The following ERCC6L variants were observed in gnomAD, a reference collection of about 807,000 sequenced individuals.
ERCC6L encodes the protein DNA excision repair protein ERCC-6-like.
Under a neutral mutation model 20.1 loss-of-function variants are expected in ERCC6L, and 7 were observed. The observed-to-expected ratio is 0.35, with a 90% CI of 0.20 to 0.65. The LOEUF is 0.65. Ranked by LOEUF, ERCC6L falls within the 30% of genes least tolerant of loss-of-function variation. ERCC6L has a pLI of 0.69. For missense variants in ERCC6L, 592 were observed against 892.4 expected, an observed-to-expected ratio of 0.66 and a Z score of 4.29; for synonymous variants, 278 against 331.3, an observed-to-expected ratio of 0.84 and a Z score of 1.75.
chrX:72,229,620 T>C (rs1356461614), intron 1 of ERCC6L, among the ~76,000 whole-genome samples: 3 of 111,418 alleles, frequency 2.7e-5, no homozygotes, highest in African/African-American at 6.5e-5. Context: ...CACCAACACA[T>C]ACCTTTGTCT....
At chrX:72,225,162 G>C (rs897320550) in intron 1 of ERCC6L, among the ~76,000 whole-genome samples, 1 of 111,560 alleles carries the variant, frequency 9.0e-6, no homozygotes, top group Non-Finnish European at 1.9e-5. Flanking sequence ...CCTCAAAGAT[G>C]CTTTTTTTAC....
chrX:72,232,273 T>TAAAAAA (rs56070381), intron 1 of ERCC6L, among the ~76,000 whole-genome samples: 1 of 61,432 alleles, frequency 1.6e-5, no homozygotes, highest in African/African-American at 7.3e-5. Flanking sequence ...GAAGGAGTAT[T>TAAAAAA]AAAAAAAAAA....
Position 72,206,387 on chromosome X carries a change from C to T in ERCC6L, c.2380G>A (p.Val794Met). 1 of 1,210,040 alleles carries T rather than the reference C, an allele frequency of 8.3e-7. No homozygotes were observed. The highest frequency in any genetic ancestry group is 1.8e-5 in the South Asian group (1 of 56,710). Reference protein sequence around the residue: ...GEKQDLSSIKVNVTTLQDGKG... With the variant: ...GEKQDLSSIKMNVTTLQDGKG... ...CCATCTTGCAAGGTGGTAACATTCA[C>T]CTTTATACTGGAGAGATCTTGTTTC... The change falls in exon 2 of 2, where the codon GTG becomes ATG. Residue 794 changes from valine to methionine, a missense_variant. Val to Met is a conservative substitution (Grantham distance 21). Around this residue, in one of 3 missense-constraint regions of ERCC6L, gnomAD observed 352 missense variants for 402.6 expected, o/e 0.87. Transcript: ENST00000334463.
chrX:72,232,177 A>C (rs932823906), intron 1 of ERCC6L, among the ~76,000 whole-genome samples: 13 of 109,210 alleles, frequency 1.2e-4, no homozygotes, highest in Non-Finnish European at 1.7e-4. Context: ...AAATAATGCC[A>C]AAGTAAAAGG....
At chrX:72,223,548 C>A (rs1418148149) in intron 1 of ERCC6L, among the ~76,000 whole-genome samples, 1 of 107,886 alleles carries the variant, frequency 9.3e-6, no homozygotes, top group Admixed American at 9.9e-5. Flanking sequence ...CGCCACCCCA[C>A]CCAGCTAATT....
Position 72,207,606 on chromosome X carries a change from T to C in ERCC6L, c.1161A>G (p.Leu387=), listed in dbSNP as rs769595936. 2 of 1,209,731 alleles carry C rather than the reference T, an allele frequency of 1.7e-6. No homozygotes were observed. Among genetic ancestry groups the C allele is most frequent in the Non-Finnish European group, 2.2e-6 (2 of 895,104 alleles). The change falls in exon 2 of 2, where the codon TTA becomes TTG. Residue 387 remains leucine, a synonymous_variant. Transcript: ENST00000334463. The part of the protein sequence containing the change: ...QEEIYRKFVS[L]DHIKELLMET... ...CCATTAGCAACTCCTTGATATGATC[T>C]AAAGACACAAATTTCCTGTATATTT...
chrX:72,207,719 G>A lies in ERCC6L; in HGVS notation c.1048C>T (p.Pro350Ser), dbSNP rs767450780. The A allele has an allele frequency of 1.3e-5, 16 of 1,211,251 alleles. No individual in the cohort carries two copies. The highest frequency in any genetic ancestry group is 1.7e-5 in the African/African-American group (1 of 57,698). ...ATTTCACAAATGGCATCAACATCTG[G>A]ATTCTTTTCATTAAGTCTGGCCTCT... ...NPEARLNEKN[P>S]DVDAICEMPS... The change falls in exon 2 of 2, where the codon CCA (proline) becomes TCA (serine). Residue 350 changes from proline to serine, a missense_variant. This residue lies in a region of ERCC6L where 196 missense variants were observed against 440.1 expected (regional missense o/e 0.45). Coordinates refer to ENST00000334463, the MANE Select transcript of ERCC6L (RefSeq NM_017669.4).
In ERCC6L at chrX:72,205,215, C is replaced by T. The variant is rs376875621; in HGVS notation, c.3552G>A (p.Gln1184=). 2.5e-6 allele frequency: 3 copies of T among 1,210,021 alleles called. No individual in the cohort carries two copies. The highest frequency in any genetic ancestry group is 3.4e-6 in the Non-Finnish European group (3 of 895,257). Reference sequence around the variant, plus strand: ...CCTTATCCTGGGGAGAACCAACCAACTGTTCACCAGACAAAGGCTCAGGGG... The same window carrying T: ...CCTTATCCTGGGGAGAACCAACCAATTGTTCACCAGACAAAGGCTCAGGGG... ...LGAPEPLSGE[Q]LVGSPQDKAA... Residue 1184 remains glutamine, a synonymous_variant, in exon 2 of 2, where the codon CAG becomes CAA. Coordinates refer to ENST00000334463, the MANE Select transcript of ERCC6L (RefSeq NM_017669.4).
At chrX:72,210,539 C>G (rs2147585772) in intron 1 of ERCC6L, among the ~76,000 whole-genome samples, 1 of 111,602 alleles carries the variant, frequency 9.0e-6, no homozygotes, top group South Asian at 3.8e-4. Context: ...TGGTAACCTA[C>G]CCAGTATCCT....
rs998587046 is a variant in ERCC6L, at chrX:72,204,874, C to T, written c.*140G>A. On this transcript the variant is annotated 3_prime_UTR_variant, in exon 2 of 2. Transcript: ENST00000334463. ...GAATACCAGACTATGGAGTGGGGGG[C>T]GTTGCAGGGCAGAAGTTGCTTTTTG... 1.4e-5 allele frequency: 6 copies of T among 422,689 alleles called. No individual in the cohort carries two copies. Among genetic ancestry groups the T allele is most frequent in the African/African-American group, 1.0e-4 (4 of 39,600 alleles). 34.8% of individuals were successfully genotyped at this position (422,689 alleles called of 1,213,427 possible).
chrX:72,216,130 A>C (rs1372403099), intron 1 of ERCC6L, among the ~76,000 whole-genome samples: 2 of 110,653 alleles, frequency 1.8e-5, no homozygotes, highest in Non-Finnish European at 3.8e-5. Flanking sequence ...ATTTAAGATG[A>C]GATCATACTG....
intron 1 of ERCC6L, among the ~76,000 whole-genome samples, chrX:72,218,201 C>T (rs1457773577): frequency 1.9e-5 from 2 of 105,709 alleles, no homozygotes; most frequent in African/African-American, 3.5e-5. Context: ...ACCTGGGAGG[C>T]GGAGCTTGCA....
At chrX:72,222,981 T>C (rs1461467872) in intron 1 of ERCC6L, among the ~76,000 whole-genome samples, 1 of 108,704 alleles carries the variant, frequency 9.2e-6, no homozygotes, top group Admixed American at 9.9e-5. Context: ...AAGGGCAAAC[T>C]TTTCTCCACT....
In ERCC6L at chrX:72,206,047, T is replaced by C; in HGVS notation, c.2720A>G (p.Asn907Ser). ...PIISITNESQ[N>S]AESNVSIIEI... is the part of the protein sequence containing the mutation. The stretch of plus-strand genomic sequence containing the variant: ...AATAATGGATACATTTGATTCTGCA[T>C]TTTGACTTTCATTTGTTATGGAAAT... The change falls in exon 2 of 2, where the codon AAT becomes AGT. Residue 907 changes from asparagine (N) to serine (S), a missense_variant. Around this residue, in one of 3 missense-constraint regions of ERCC6L, gnomAD observed 352 missense variants for 402.6 expected, o/e 0.87. Coordinates refer to ENST00000334463, the MANE Select transcript of ERCC6L (RefSeq NM_017669.4). 8.3e-7 allele frequency: 1 copy of C among 1,211,589 alleles called. No individual in the cohort carries two copies. Among genetic ancestry groups the C allele is most frequent in the Non-Finnish European group, 1.1e-6 (1 of 895,184 alleles).
At chrX:72,227,014 A>T (rs2042957780) in intron 1 of ERCC6L, among the ~76,000 whole-genome samples, 1 of 111,864 alleles carries the variant, frequency 8.9e-6, no homozygotes, top group Admixed American at 9.5e-5. Context: ...ACCCTACTCC[A>T]ACACTAAATC....
rs2042808852 is a variant in ERCC6L, at chrX:72,205,101, G to A, written c.3666C>T (p.Cys1222=). 8.3e-7 allele frequency: 1 copy of A among 1,209,349 alleles called. No homozygotes were observed. The highest frequency in any genetic ancestry group is 1.7e-5 in the African/African-American group (1 of 57,218). ...TTTTTATGTCAAGCGCTTTAACTAA[G>A]CAGTTTAGGGCCTCCTGGATTTTTC... is the stretch of plus-strand genomic sequence containing the variant. ...ECGKIQEALN[C]LVKALDIKSA... is the part of the protein sequence containing the mutation. The change falls in exon 2 of 2, where the codon TGC becomes TGT. Residue 1222 remains cysteine (C), a synonymous_variant. Transcript: ENST00000334463.
At chrX:72,237,928 T>A (rs2043026989) in intron 1 of ERCC6L, 1 of 111,283 alleles carries the variant, frequency 9.0e-6, no homozygotes, top group African/African-American at 3.3e-5. Context: ...TGAATTCCAG[T>A]CTGGGCGACA....
rs924079210 is a variant in ERCC6L, at chrX:72,228,363, T to A, written c.68+10481A>T. Among the ~76,000 whole-genome samples the A allele has an allele frequency of 9.0e-5, 10 of 111,690 alleles. No individual in the cohort carries two copies. The Admixed American group carries it at 9.5e-4, about 11-fold the overall frequency. On this transcript the variant is annotated intron_variant, in intron 1 of 1. Coordinates refer to ENST00000334463, the MANE Select transcript of ERCC6L (RefSeq NM_017669.4). ...GGACCTTACCAAATCATTCTTACCA[T>A]ACCCACAGCAGCAAAACTCCAGGGA...
intron 1 of ERCC6L, among the ~76,000 whole-genome samples, chrX:72,229,110 T>C (rs1039544138): frequency 3.6e-5 from 4 of 111,241 alleles, no homozygotes; most frequent in African/African-American, 1.3e-4. Context: ...GCCTCAAGAC[T>C]CTCCCATTAA....
Sources: allele counts gnomAD v4.1 joint callset (sites outside exome capture counted in the v4.1 genomes callset), GRCh38; gene constraint gnomAD v4.1.1; regional missense constraint gnomAD v4.1.1; transcripts MANE v1.5; gene names NCBI Gene and HGNC (gene_info 2026-07-23, HGNC 2026-07-21).